Variants in GALNT13 observed in about 807,000 individuals in gnomAD.
GALNT13 encodes polypeptide N-acetylgalactosaminyltransferase 13.
GALNT13 carries 28 observed loss-of-function variants against 64.2 expected under a neutral mutation model. The observed-to-expected ratio is 0.44, with a 90% confidence interval of 0.32 to 0.60. GALNT13 has a LOEUF of 0.60. Ranked by LOEUF, GALNT13 falls within the 20% of genes least tolerant of loss-of-function variation. The pLI, the probability that GALNT13 is intolerant of heterozygous loss-of-function variation, is 0.05. For missense variants in GALNT13, 577 were observed against 669.8 expected (o/e 0.86, Z 1.53); for synonymous variants, 214 against 224.6 (o/e 0.95, Z 0.42).
chr2:153,887,056 A>G (rs1687230273), intron 1 of GALNT13, among the ~76,000 whole-genome samples: 2 of 151,970 alleles, frequency 1.3e-5, no homozygotes, highest in African/African-American at 4.8e-5. Flanking sequence ...TAAAATGGAG[A>G]TAATAGTCAT....
intron 3 of GALNT13, among the ~76,000 whole-genome samples, chr2:154,134,555 CATAA>C (rs1262157131): frequency 6.6e-6 from 1 of 152,086 alleles, no homozygotes; most frequent in East Asian, 1.9e-4. Context: ...TTGAAACCAA[CATAA>C]ATATTCAAAG....
the GALNT13 span, among the ~76,000 whole-genome samples, chr2:153,309,729 A>C: frequency 2.6e-5 from 4 of 152,076 alleles, no homozygotes; most frequent in Admixed American, 2.6e-4. Context: ...TTTTAAGTTA[A>C]AATTCAGCAT....
chr2:154,359,827 A>G (rs965083524), intron 9 of GALNT13, among the ~76,000 whole-genome samples: 4 of 152,102 alleles, frequency 2.6e-5, no homozygotes, highest in Non-Finnish European at 5.9e-5. Context: ...CTCAAAATCA[A>G]TGTGAATTAG....
intron 9 of GALNT13, among the ~76,000 whole-genome samples, chr2:154,392,887 A>G (rs576232301): frequency 3.5e-4 from 53 of 152,352 alleles, no homozygotes; most frequent in Non-Finnish European, 6.5e-4. Flanking sequence ...AGTTAGGACC[A>G]GGATGGTAAC....
At chr2:153,694,174 C>G in the GALNT13 span, among the ~76,000 whole-genome samples, 1 of 152,106 alleles carries the variant, frequency 6.6e-6, no homozygotes, top group African/African-American at 2.4e-5. Flanking sequence ...ATGGAAGGTA[C>G]TTTCTTTGGG....
chr2:154,052,978 C>T (rs1255642154), intron 3 of GALNT13, among the ~76,000 whole-genome samples: 1 of 151,984 alleles, frequency 6.6e-6, no homozygotes, highest in Non-Finnish European at 1.5e-5. Flanking sequence ...ACCTCGTGAT[C>T]CACGAGGCCG....
intron 8 of GALNT13, among the ~76,000 whole-genome samples, chr2:154,264,649 A>G (rs1021034677): frequency 5.3e-5 from 8 of 151,978 alleles, no homozygotes; most frequent in Non-Finnish European, 1.0e-4. Flanking sequence ...ACAAACAAAC[A>G]AACAAAACCC....
At chr2:154,069,068 C>G (rs964880109) in intron 3 of GALNT13, among the ~76,000 whole-genome samples, 1 of 151,326 alleles carries the variant, frequency 6.6e-6, no homozygotes, top group African/African-American at 2.4e-5. Context: ...AAGTAAAAAG[C>G]AAAAACAATG....
intron 3 of GALNT13, among the ~76,000 whole-genome samples, chr2:154,047,278 G>A (rs749092960): frequency 2.0e-5 from 3 of 152,130 alleles, no homozygotes; most frequent in Non-Finnish European, 2.9e-5. Flanking sequence ...TCTGCCGTGT[G>A]CTTGTTCACT....
chr2:153,097,259 T>A, the GALNT13 span, among the ~76,000 whole-genome samples: 1 of 152,122 alleles, frequency 6.6e-6, no homozygotes. Context: ...TTTTGATCAG[T>A]TCATCATTTA....
chr2:153,636,651 A>T, the GALNT13 span, among the ~76,000 whole-genome samples: 2 of 152,124 alleles, frequency 1.3e-5, no homozygotes, highest in African/African-American at 4.8e-5. Context: ...AATCATCAAA[A>T]TAGTGCTGGA....
At chr2:153,235,547 T>C in the GALNT13 span, among the ~76,000 whole-genome samples, 1 of 152,248 alleles carries the variant, frequency 6.6e-6, no homozygotes, top group Admixed American at 6.5e-5. Context: ...CTCACTGGCA[T>C]CTTAAATCTC....
chr2:153,139,491 C>T, the GALNT13 span, among the ~76,000 whole-genome samples: 2 of 151,902 alleles, frequency 1.3e-5, no homozygotes, highest in African/African-American at 4.8e-5. Flanking sequence ...AAGAGATTGC[C>T]TACGATGGGG....
the GALNT13 span, among the ~76,000 whole-genome samples, chr2:153,116,956 C>T: frequency 9.2e-5 from 14 of 151,780 alleles, no homozygotes; most frequent in African/African-American, 3.1e-4. Flanking sequence ...CCCGCCACCA[C>T]GCCCGGCTAA....
intron 3 of GALNT13, among the ~76,000 whole-genome samples, chr2:154,069,706 A>G (rs774337382): frequency 6.6e-6 from 1 of 152,104 alleles, no homozygotes; most frequent in Non-Finnish European, 1.5e-5. Context: ...TGGGATTTGC[A>G]CAAGGATCAC....
intron 9 of GALNT13, among the ~76,000 whole-genome samples, chr2:154,338,522 C>A (rs1289872426): frequency 6.6e-6 from 1 of 152,054 alleles, no homozygotes; most frequent in Non-Finnish European, 1.5e-5. Context: ...ACTGTACTCA[C>A]AGATTCCTGG....
chr2:153,454,503 A>G, the GALNT13 span, among the ~76,000 whole-genome samples: 5 of 152,154 alleles, frequency 3.3e-5, no homozygotes, highest in African/African-American at 1.2e-4. Flanking sequence ...AACTGAAACA[A>G]CCTATAAAAA....
intron 3 of GALNT13, among the ~76,000 whole-genome samples, chr2:154,114,683 T>C (rs1703187276): frequency 6.6e-6 from 1 of 152,186 alleles, no homozygotes; most frequent in African/African-American, 2.4e-5. Context: ...TGTTTCTCTG[T>C]TTTTATAATC....
At chr2:154,386,815 C>G (rs935178636) in intron 9 of GALNT13, among the ~76,000 whole-genome samples, 3 of 151,912 alleles carry the variant, frequency 2.0e-5, no homozygotes, top group African/African-American at 7.3e-5. Flanking sequence ...GATCTTGGAC[C>G]AAGCATTTGA....
Sources: gnomAD v4.1 joint callset for allele counts (sites outside exome capture counted in the v4.1 genomes callset) on GRCh38, gnomAD v4.1.1 for gene constraint, MANE v1.5 for transcripts, NCBI Gene and HGNC (gene_info 2026-07-23, HGNC 2026-07-21) for gene names.